The following ARHGAP35 variants were observed in gnomAD, a reference collection of about 807,000 sequenced individuals.
The protein encoded by ARHGAP35 is Rho GTPase activating protein 35.
ARHGAP35 carries 15 observed loss-of-function variants against 111.1 expected under a neutral mutation model. The observed-to-expected ratio is 0.13, with a 90% confidence interval of 0.09 to 0.21. The LOEUF is 0.21. Among genes scored for constraint, ARHGAP35 ranks in the 10% least tolerant of loss-of-function variants. The pLI is 1.00. For synonymous variants in ARHGAP35, 643 were observed against 710.3 expected, an observed-to-expected ratio of 0.91 and a Z score of 1.51; for missense variants, 1,262 against 1,873.0, an observed-to-expected ratio of 0.67 and a Z score of 6.02.
chr19:46,991,767 G>A (rs1320259408), intron 5 of ARHGAP35, among the ~76,000 whole-genome samples: 1 of 152,236 alleles, frequency 6.6e-6, no homozygotes, highest in East Asian at 1.9e-4. Flanking sequence ...CAGTGCAAAA[G>A]TTAGTAGTGT....
At chr19:46,905,391 T>TTTA (rs1555755984) in intron 1 of ARHGAP35, among the ~76,000 whole-genome samples, 1 of 147,550 alleles carries the variant, frequency 6.8e-6, no homozygotes, top group Non-Finnish European at 1.5e-5. Flanking sequence ...TTTTTTTTTT[T>TTTA]AATAGATGGA....
chr19:46,953,921 C>A (rs1275766922), intron 3 of ARHGAP35, among the ~76,000 whole-genome samples: 1 of 152,200 alleles, frequency 6.6e-6, no homozygotes, highest in Non-Finnish European at 1.5e-5. Flanking sequence ...TATGTTGTTT[C>A]CTCTCCCATC....
Position 46,912,118 on chromosome 19 carries a change from A to T in ARHGAP35, c.-188-6370A>T, listed in dbSNP as rs147150370. Among the ~76,000 whole-genome samples the T allele has an allele frequency of 4.6e-3, 681 of 147,952 alleles. 1 individual carries two copies. Among genetic ancestry groups the T allele is most frequent in the Non-Finnish European group, 7.7e-3 (522 of 67,436 alleles). ...GAGTGCAGTGGCACTCTCTCTGCTC[A>T]CTGCAACCTCTGCCTCTAGGGTTCT... On this transcript the variant is annotated intron_variant, in intron 1 of 6. Transcript: ENST00000672722.
At chr19:46,887,754 C>T (rs944724454) in intron 1 of ARHGAP35, among the ~76,000 whole-genome samples, 6 of 152,056 alleles carry the variant, frequency 3.9e-5, no homozygotes, top group South Asian at 2.1e-4. Context: ...ACACCCTCCC[C>T]GACCGAACCA....
chr19:46,999,105 A>G lies in ARHGAP35; in HGVS notation c.4037-199A>G. 1.7e-6 allele frequency: 1 copy of G among 571,856 alleles called. No individual in the cohort carries two copies. The highest frequency in any genetic ancestry group is 3.1e-6 in the Non-Finnish European group (1 of 321,480). The allele number at this position is 571,856 out of a possible 1,614,324, so 35.4% of individuals were successfully genotyped here. A position where few individuals can be genotyped will look rare whatever the true frequency, so the allele number is the denominator to read the frequency against. On this transcript the variant is annotated intron_variant, in intron 5 of 6. Coordinates refer to ENST00000672722, the MANE Select transcript of ARHGAP35 (RefSeq NM_004491.5). This position sits in a 1 kb window ranked among gnomAD's most constrained non-coding sequence, Gnocchi z 5.4. ...CCGCCCTTCAGCGGGGGCCTGGGAC[A>G]CAGAGGTGGGCCAGACCCCTGGGCC...
At chr19:46,995,669 G>A (rs985515695) in intron 5 of ARHGAP35, among the ~76,000 whole-genome samples, 2 of 152,206 alleles carry the variant, frequency 1.3e-5, no homozygotes, top group African/African-American at 4.8e-5. Flanking sequence ...TCGGGTCTGC[G>A]GTCAGGGCCA....
intron 1 of ARHGAP35, among the ~76,000 whole-genome samples, chr19:46,913,261 G>T (rs1437217985): frequency 6.7e-6 from 1 of 150,300 alleles, no homozygotes; most frequent in Non-Finnish European, 1.5e-5. Context: ...TTGCTGTGTT[G>T]GAAGAGTGAT....
intron 1 of ARHGAP35, among the ~76,000 whole-genome samples, chr19:46,913,727 T>A (rs1350547486): frequency 6.6e-6 from 1 of 152,218 alleles, no homozygotes; most frequent in Non-Finnish European, 1.5e-5. Context: ...GAAATATCTC[T>A]GTACAGCTCA....
intron 3 of ARHGAP35, among the ~76,000 whole-genome samples, chr19:46,973,690 C>T (rs1239632458): frequency 6.9e-6 from 1 of 143,898 alleles, no homozygotes; most frequent in Non-Finnish European, 1.5e-5. Context: ...GACTCCATCT[C>T]AAAAAAAAAA....
chr19:46,887,068 A>G (rs570814473), intron 1 of ARHGAP35, among the ~76,000 whole-genome samples: 49 of 152,298 alleles, frequency 3.2e-4, no homozygotes, highest in African/African-American at 1.2e-3. Flanking sequence ...GTATGTATGC[A>G]TGTGTACATC....
chr19:46,978,821 G>C (rs937194295), intron 3 of ARHGAP35, among the ~76,000 whole-genome samples: 1 of 128,446 alleles, frequency 7.8e-6, no homozygotes, highest in African/African-American at 3.1e-5. Flanking sequence ...GTGGTAGGGG[G>C]TTTGTGTGGT....
intron 3 of ARHGAP35, among the ~76,000 whole-genome samples, chr19:46,966,965 G>A (rs921230460): frequency 3.9e-5 from 6 of 152,190 alleles, no homozygotes; most frequent in Non-Finnish European, 7.3e-5. Context: ...TCTCTAACAG[G>A]ATGGGAGGAA....
Position 47,001,016 on chromosome 19 carries a change from G to A in ARHGAP35, c.*328G>A. 1 of 1,454,606 alleles carries A rather than the reference G, an allele frequency of 6.9e-7. No homozygotes were observed. The allele number at this position is 1,454,606 out of a possible 1,614,324, so 90.1% of individuals were successfully genotyped here. A position where few individuals can be genotyped will look rare whatever the true frequency, so the allele number is the denominator to read the frequency against. ...AGCCTCCGGGTGCCTCCCTCTGCTT[G>A]TACAGAGCCCATGGTCGGGACAGTG... On this transcript the variant is annotated 3_prime_UTR_variant, in exon 7 of 7. Coordinates refer to ENST00000672722, the MANE Select transcript of ARHGAP35 (RefSeq NM_004491.5). The surrounding 1 kb of genome is among the most constrained non-coding windows in gnomAD (Gnocchi z 5.4).
chr19:46,864,258 G>T (rs1320872439), intron 1 of ARHGAP35, among the ~76,000 whole-genome samples: 1 of 152,182 alleles, frequency 6.6e-6, no homozygotes, highest in South Asian at 2.1e-4. Context: ...TGGTTGTGGG[G>T]GGGTATTTAG....
intron 1 of ARHGAP35, among the ~76,000 whole-genome samples, chr19:46,866,696 G>A (rs1311582806): frequency 6.6e-6 from 1 of 152,158 alleles, no homozygotes; most frequent in East Asian, 1.9e-4. Context: ...CAGAGTCTGT[G>A]TAGGGGGCTC....
intron 1 of ARHGAP35, among the ~76,000 whole-genome samples, chr19:46,891,435 T>G (rs543641617): frequency 3.5e-5 from 5 of 143,696 alleles, no homozygotes; most frequent in African/African-American, 1.0e-4. Flanking sequence ...TTTTTTTTTG[T>G]TTTTTTTTTT....
At chr19:46,932,565 T>C (rs1034968521) in intron 2 of ARHGAP35, among the ~76,000 whole-genome samples, 2 of 152,176 alleles carry the variant, frequency 1.3e-5, no homozygotes, top group African/African-American at 2.4e-5. Flanking sequence ...CCAGTAACCC[T>C]TCAGATGCCT....
chr19:46,898,075 C>G (rs2056066099), intron 1 of ARHGAP35, among the ~76,000 whole-genome samples: 1 of 151,998 alleles, frequency 6.6e-6, no homozygotes, highest in Admixed American at 6.6e-5. Context: ...AACCCTGTCT[C>G]TACTAAAAAT....
At chr19:46,880,230 C>T (rs1053034055) in intron 1 of ARHGAP35, among the ~76,000 whole-genome samples, 2 of 150,776 alleles carry the variant, frequency 1.3e-5, no homozygotes, top group African/African-American at 4.9e-5. Flanking sequence ...GTCAGGAGTT[C>T]GACACCAGCC....
Sources: gnomAD v4.1 joint callset for allele counts (sites outside exome capture counted in the v4.1 genomes callset) on GRCh38, gnomAD v4.1.1 for gene constraint, Gnocchi (gnomAD v3.1) non-coding constraint, MANE v1.5 for transcripts, NCBI Gene and HGNC (gene_info 2026-07-23, HGNC 2026-07-21) for gene names.